Variants in ARID4A observed in about 807,000 individuals in gnomAD.
ARID4A encodes AT-rich interaction domain 4A.
ARID4A carries 39 observed loss-of-function variants against 148.6 expected under a neutral mutation model. The ratio of observed to expected loss-of-function variants is 0.26; its 90% CI spans 0.20 to 0.34. ARID4A has a LOEUF of 0.34. Ranked by LOEUF, ARID4A falls within the 10% of genes least tolerant of loss-of-function variation. The pLI is 1.00. For missense variants in ARID4A, 1,265 were observed against 1,449.1 expected (o/e 0.87, Z 2.06); for synonymous variants, 475 against 481.2 (o/e 0.99, Z 0.17).
intron 7 of ARID4A, among the ~76,000 whole-genome samples, chr14:58,322,981 ATATATAT>A (rs1325317042): frequency 9.6e-6 from 1 of 103,726 alleles, no homozygotes; most frequent in Non-Finnish European, 1.9e-5. Context: ...AAAAAAAAAA[ATATATAT>A]ATATATATAT....
chr14:58,300,198 T>C (rs574671700), intron 2 of ARID4A, among the ~76,000 whole-genome samples: 2 of 152,270 alleles, frequency 1.3e-5, no homozygotes, highest in East Asian at 3.9e-4. Context: ...TTTTGTAAAT[T>C]TTTTTTCTTC....
At chr14:58,315,503 T>C (rs139580127) in intron 5 of ARID4A, among the ~76,000 whole-genome samples, 5 of 152,334 alleles carry the variant, frequency 3.3e-5, no homozygotes, top group African/African-American at 9.6e-5. Context: ...ACATTCACAT[T>C]TTCCTTTTTC....
intron 14 of ARID4A, 114 bp downstream of exon 14, chr14:58,347,231 A>C: frequency 1.8e-6 from 1 of 562,006 alleles, no homozygotes; most frequent in East Asian, 3.4e-5. Context: ...GAAAGTATAT[A>C]AAAAGGTTTA....
intron 19 of ARID4A, 33 bp from the exon 20 acceptor site, chr14:58,364,137 A>G: frequency 9.1e-7 from 1 of 1,094,068 alleles, no homozygotes; most frequent in Non-Finnish European, 1.2e-6. Context: ...TAATATAAAA[A>G]CCTGTATAAT....
intron 23 of ARID4A, 35 bp downstream of exon 23, chr14:58,367,064 C>T: frequency 7.3e-7 from 1 of 1,362,552 alleles, no homozygotes; most frequent in Non-Finnish European, 9.6e-7. Flanking sequence ...CCTTATATTT[C>T]AAAACTATAT....
At chr14:58,345,301 G>C (rs2034306405) in intron 12 of ARID4A, among the ~76,000 whole-genome samples, 1 of 152,090 alleles carries the variant, frequency 6.6e-6, no homozygotes, top group South Asian at 2.1e-4. Flanking sequence ...ATACAATTTA[G>C]TTTTCCCTGT....
Position 58,353,867 on chromosome 14 carries a change from A to G in ARID4A, c.1853+12A>G. ...GGATGGAATGTCAGGTAAGCAAGAA[A>G]CTATTTTCTTACTATTGAAATTTTT... On this transcript the variant is annotated intron_variant, in intron 17 of 23. Coordinates refer to ENST00000355431, the MANE Select transcript of ARID4A (RefSeq NM_002892.4). 2 of 1,602,588 alleles carry G rather than the reference A, an allele frequency of 1.2e-6. No individual in the cohort carries two copies. Among genetic ancestry groups the G allele is most frequent in the Non-Finnish European group, 8.5e-7 (1 of 1,175,624 alleles).
chr14:58,352,536 T>G (rs919888519), intron 16 of ARID4A, among the ~76,000 whole-genome samples: 5 of 152,188 alleles, frequency 3.3e-5, no homozygotes, highest in Non-Finnish European at 7.4e-5. Flanking sequence ...AAGATTTATT[T>G]TAGAGAAAAT....
Position 58,351,420 on chromosome 14 carries a change from T to C in ARID4A, c.1655+97T>C, listed in dbSNP as rs891471987. On this transcript the variant is annotated intron_variant, in intron 16 of 23. Transcript: ENST00000355431. ...ATTCAGGTTTGAGGGAATGTTTTCT[T>C]ATTGGGACTTCCGTTCCTCTTGTCT... 1.3e-5 allele frequency: 19 copies of C among 1,452,068 alleles called. No homozygotes were observed. In the East Asian group the frequency reaches 2.1e-4, roughly 16 times the overall value. 89.9% of individuals were successfully genotyped at this position (1,452,068 alleles called of 1,614,324 possible).
Position 58,330,103 on chromosome 14 carries a change from AGAT to A in ARID4A, c.842_844del (p.Asp281del). ...TTGAGTCATCCAGTAGTGATGATGA[AGAT>A]GGCCCAGCTGAAGAAAATGATGAAG... On this transcript the variant is annotated inframe_deletion, in exon 11 of 24. Transcript: ENST00000355431. The A allele has an allele frequency of 1.2e-6, 2 of 1,613,592 alleles. No homozygotes were observed. The highest frequency in any genetic ancestry group is 1.7e-6 in the Non-Finnish European group (2 of 1,179,834).
intron 7 of ARID4A, among the ~76,000 whole-genome samples, chr14:58,320,341 A>G (rs1256343814): frequency 1.3e-5 from 2 of 152,142 alleles, no homozygotes; most frequent in African/African-American, 2.4e-5. Flanking sequence ...TTAAATATTT[A>G]GGAACAAGGA....
At chr14:58,310,432 A>G (rs1025566055) in intron 5 of ARID4A, among the ~76,000 whole-genome samples, 5 of 152,224 alleles carry the variant, frequency 3.3e-5, no homozygotes, top group Admixed American at 1.3e-4. Context: ...CACATAGATC[A>G]GTGGAACAGA....
In ARID4A at chr14:58,301,603, G is replaced by C. The variant is rs1460745836; in HGVS notation, c.30G>C (p.Leu10=). The change falls in exon 3 of 24, where the codon CTG becomes CTC. Residue 10 remains leucine (L), a synonymous_variant. Coordinates refer to ENST00000355431, the MANE Select transcript of ARID4A (RefSeq NM_002892.4). MKAADEPAY[L]TVGTDVSAKY... is the part of the protein sequence containing the mutation. Reference sequence around the variant, plus strand: ...AGGCGGCAGATGAGCCTGCCTACCTGACAGTGGGAACCGATGTCAGTGCCA... The same window carrying C: ...AGGCGGCAGATGAGCCTGCCTACCTCACAGTGGGAACCGATGTCAGTGCCA... The C allele has an allele frequency of 2.5e-6, 4 of 1,613,936 alleles. No individual in the cohort carries two copies.
At position 58,301,484 on chromosome 14, in the gene ARID4A, A is replaced by G. The variant is rs1594856626; in HGVS notation, c.7-96A>G. On this transcript the variant is annotated intron_variant, in intron 2 of 23. Coordinates refer to ENST00000355431, the MANE Select transcript of ARID4A (RefSeq NM_002892.4). ...ATATTAATAAGCAAGTCATTTTAATATTCTTAATGCTTCAAACACAACCTT... is the reference window on the plus strand; with the variant it reads ...ATATTAATAAGCAAGTCATTTTAATGTTCTTAATGCTTCAAACACAACCTT... The G allele has an allele frequency of 6.8e-6, 5 of 735,622 alleles. No individual in the cohort carries two copies. In the East Asian group the frequency reaches 1.4e-4, roughly 20 times the overall value. 45.6% of individuals were successfully genotyped at this position (735,622 alleles called of 1,614,324 possible). A position where few individuals can be genotyped will look rare whatever the true frequency, so the allele number is the denominator to read the frequency against.
chr14:58,301,115 A>T (rs2031127709), intron 2 of ARID4A, among the ~76,000 whole-genome samples: 1 of 152,212 alleles, frequency 6.6e-6, no homozygotes, highest in Admixed American at 6.5e-5. Context: ...TACTTTCCTT[A>T]TGAAAAGATG....
rs139319776 is a variant in ARID4A, at chr14:58,330,173, G to A, written c.906+4G>A. 1 of 1,605,290 alleles carries A rather than the reference G, an allele frequency of 6.2e-7. No homozygotes were observed. The highest frequency in any genetic ancestry group is 1.3e-5 in the African/African-American group (1 of 74,244). ...CAAAAAGACAGAAGAAGAGGTGGTA[G>A]GTGTAATTTCATGTTTGTAACAAAA... On this transcript the variant is annotated splice_donor_region_variant and intron_variant, in intron 11 of 23. Transcript: ENST00000355431.
At chr14:58,337,764 C>T (rs1362418763) in intron 11 of ARID4A, among the ~76,000 whole-genome samples, 2 of 152,122 alleles carry the variant, frequency 1.3e-5, no homozygotes, top group African/African-American at 2.4e-5. Flanking sequence ...TATTTTGTTC[C>T]ACTTACTCCA....
At chr14:58,357,555 G>A (rs2034935538) in intron 17 of ARID4A, among the ~76,000 whole-genome samples, 1 of 151,716 alleles carries the variant, frequency 6.6e-6, no homozygotes, top group African/African-American at 2.4e-5. Context: ...CCTGGAATGT[G>A]GCCCAACACA....
intron 23 of ARID4A, among the ~76,000 whole-genome samples, chr14:58,371,661 A>G (rs1323729979): frequency 6.6e-6 from 1 of 152,126 alleles, no homozygotes; most frequent in African/African-American, 2.4e-5. Context: ...TTTACATTTT[A>G]TGATGTATTT....
Sources: gnomAD v4.1 joint callset for allele counts (sites outside exome capture counted in the v4.1 genomes callset) on GRCh38, gnomAD v4.1.1 for gene constraint, MANE v1.5 for transcripts, NCBI Gene and HGNC (gene_info 2026-07-23, HGNC 2026-07-21) for gene names.